Variants in ANKMY2 observed in about 807,000 individuals in gnomAD.
ANKMY2 encodes ankyrin repeat and MYND domain-containing protein 2.
In ANKMY2, 36 loss-of-function variants were observed where a neutral mutation model predicts 50.4. The ratio of observed to expected loss-of-function variants is 0.71; its 90% CI spans 0.55 to 0.94. The LOEUF (loss-of-function observed/expected upper bound fraction) is 0.94. Among genes scored for constraint, ANKMY2 ranks in the 40% least tolerant of loss-of-function variants. The pLI is 0.00. For synonymous variants in ANKMY2, 187 were observed against 178.8 expected (o/e 1.05, Z -0.36); for missense variants, 565 against 524.0 (o/e 1.08, Z -0.76).
At chr7:16,643,923 C>T (rs149834730) in intron 1 of ANKMY2, among the ~76,000 whole-genome samples, 146 of 152,012 alleles carry the variant, frequency 9.6e-4, no homozygotes, top group African/African-American at 3.4e-3. Context: ...ACCTGTAGTC[C>T]CAGCCACTAG....
At chr7:16,611,948 G>A (rs770697582) in intron 5 of ANKMY2, among the ~76,000 whole-genome samples, 6 of 152,152 alleles carry the variant, frequency 3.9e-5, no homozygotes, top group Non-Finnish European at 8.8e-5. Flanking sequence ...ACCCTGCACT[G>A]CGTCTCCTAT....
At chr7:16,603,775 C>T in intron 8 of ANKMY2, 1 of 462,168 alleles carries the variant, frequency 2.2e-6, no homozygotes, top group South Asian at 1.6e-5. Flanking sequence ...GTGTTTCTAC[C>T]TGCCCATGTG....
intron 1 of ANKMY2, among the ~76,000 whole-genome samples, chr7:16,638,363 C>T (rs1781698536): frequency 6.6e-6 from 1 of 152,204 alleles, no homozygotes; most frequent in Non-Finnish European, 1.5e-5. Flanking sequence ...TTTGCTAGGA[C>T]AGCTCACAGA....
chr7:16,628,824 A>G (rs987541420), intron 2 of ANKMY2, among the ~76,000 whole-genome samples: 1 of 152,144 alleles, frequency 6.6e-6, no homozygotes, highest in Admixed American at 6.5e-5. Context: ...TGGGCAGTCA[A>G]TTGCCCAGCA....
At chr7:16,606,676 C>T (rs1055434007) in intron 7 of ANKMY2, among the ~76,000 whole-genome samples, 1 of 152,138 alleles carries the variant, frequency 6.6e-6, no homozygotes, top group Non-Finnish European at 1.5e-5. Flanking sequence ...ATCTTACCAA[C>T]TGTACATAAT....
chr7:16,615,906 T>G lies in ANKMY2; in HGVS notation c.371-2A>C. The G allele has an allele frequency of 6.3e-7, 1 of 1,584,392 alleles. No homozygotes were observed. The highest frequency in any genetic ancestry group is 8.6e-7 in the Non-Finnish European group (1 of 1,167,652). On this transcript the variant is annotated splice_acceptor_variant, in intron 4 of 9. Coordinates refer to ENST00000306999, the MANE Select transcript of ANKMY2 (RefSeq NM_020319.3). LOFTEE classifies it high-confidence loss of function. ...TTATGGTCACACAATCATGTTGACC[T>G]TTTCATAGAAAAATAGAAAAGTTGT...
chr7:16,625,581 T>C (rs1024794558), intron 3 of ANKMY2, among the ~76,000 whole-genome samples: 2 of 152,218 alleles, frequency 1.3e-5, no homozygotes, highest in Admixed American at 1.3e-4. Context: ...AAAGTAGTCA[T>C]TATGGGTATT....
chr7:16,640,404 G>A (rs1781728236), intron 1 of ANKMY2, among the ~76,000 whole-genome samples: 3 of 152,086 alleles, frequency 2.0e-5, no homozygotes, highest in Admixed American at 2.0e-4. Flanking sequence ...CTCTACCAAA[G>A]ACAAGAAGAT....
intron 4 of ANKMY2, among the ~76,000 whole-genome samples, chr7:16,616,378 C>G (rs951111522): frequency 1.3e-5 from 2 of 152,080 alleles, no homozygotes; most frequent in Non-Finnish European, 2.9e-5. Flanking sequence ...CCCCTACCCC[C>G]TAAATTTGAG....
intron 1 of ANKMY2, among the ~76,000 whole-genome samples, chr7:16,641,011 T>C (rs1781737361): frequency 6.6e-6 from 1 of 152,208 alleles, no homozygotes; most frequent in African/African-American, 2.4e-5. Flanking sequence ...GATATAGATT[T>C]TGATATAATC....
At chr7:16,641,651 G>A (rs1010914754) in intron 1 of ANKMY2, among the ~76,000 whole-genome samples, 14 of 152,238 alleles carry the variant, frequency 9.2e-5, no homozygotes, top group Non-Finnish European at 1.8e-4. Context: ...CAACAATTGG[G>A]CATCAATGGG....
intron 2 of ANKMY2, among the ~76,000 whole-genome samples, chr7:16,634,888 AGT>A (rs1206415688): frequency 6.6e-6 from 1 of 152,234 alleles, no homozygotes; most frequent in Admixed American, 6.5e-5. Context: ...AAAGCTCAGG[AGT>A]ATTTATCAAA....
At chr7:16,609,577 A>T (rs1781212133) in intron 7 of ANKMY2, 53 bp downstream of exon 7, 3 of 1,528,218 alleles carry the variant, frequency 2.0e-6, no homozygotes, top group Non-Finnish European at 2.6e-6. Flanking sequence ...ACAATACAAT[A>T]GGTGGGAATT....
chr7:16,620,982 A>C (rs1017490111), intron 4 of ANKMY2, among the ~76,000 whole-genome samples: 10 of 152,232 alleles, frequency 6.6e-5, no homozygotes, highest in Non-Finnish European at 4.4e-5. Flanking sequence ...GTGAAAAGCT[A>C]AAAATATTTT....
At chr7:16,636,502 T>C in intron 1 of ANKMY2, 47 bp from the exon 2 acceptor site, 3 of 1,447,196 alleles carry the variant, frequency 2.1e-6, no homozygotes, top group African/African-American at 2.9e-5. Flanking sequence ...GTCACTAGAA[T>C]AAGAGAAAAA....
intron 4 of ANKMY2, among the ~76,000 whole-genome samples, chr7:16,623,373 G>C (rs1315498557): frequency 6.6e-6 from 1 of 152,076 alleles, no homozygotes; most frequent in Non-Finnish European, 1.5e-5. Context: ...TAAAAATTTT[G>C]TTAGTATTGT....
At chr7:16,618,264 G>T (rs752636007) in intron 4 of ANKMY2, among the ~76,000 whole-genome samples, 15 of 152,062 alleles carry the variant, frequency 9.9e-5, no homozygotes, top group Admixed American at 3.9e-4. Context: ...CTGCATTCAA[G>T]CCTGGGTAAC....
chr7:16,638,696 T>C (rs1305846334), intron 1 of ANKMY2, among the ~76,000 whole-genome samples: 1 of 152,188 alleles, frequency 6.6e-6, no homozygotes, highest in Non-Finnish European at 1.5e-5. Context: ...CTTCTAATCA[T>C]GGCTTGGACT....
intron 5 of ANKMY2, among the ~76,000 whole-genome samples, chr7:16,614,524 A>G (rs1781309669): frequency 6.6e-6 from 1 of 152,192 alleles, no homozygotes; most frequent in Admixed American, 6.5e-5. Flanking sequence ...ACAATGAGTA[A>G]ATTTGGTTTG....
Sources: gnomAD v4.1 joint callset for allele counts (sites outside exome capture counted in the v4.1 genomes callset) on GRCh38, gnomAD v4.1.1 for gene constraint, MANE v1.5 for transcripts, NCBI Gene and HGNC (gene_info 2026-07-23, HGNC 2026-07-21) for gene names.